TUSC3: variants seen among roughly 807,000 people sequenced by gnomAD.
TUSC3 encodes the protein tumor suppressor candidate 3, also known as dolichyl-diphosphooligosaccharide--protein glycosyltransferase subunit TUSC3.
TUSC3 carries 45 observed loss-of-function variants against 44.8 expected under a neutral mutation model. The ratio of observed to expected loss-of-function variants is 1.00; its 90% CI spans 0.79 to 1.29. The LOEUF is 1.29. Among genes scored for constraint, TUSC3 ranks in the 50% most tolerant of loss-of-function variants. The pLI, the probability that TUSC3 is intolerant of heterozygous loss-of-function variation, is 0.00. For synonymous variants in TUSC3, 212 were observed against 152.9 expected, an observed-to-expected ratio of 1.39 and a Z score of -2.85; for missense variants, 519 against 437.9, an observed-to-expected ratio of 1.19 and a Z score of -1.65.
intron 5 of TUSC3, among the ~76,000 whole-genome samples, chr8:15,672,395 A>G (rs1006657918): frequency 6.6e-6 from 1 of 151,678 alleles, no homozygotes; most frequent in African/African-American, 2.4e-5. Flanking sequence ...TAAATGCTCT[A>G]CATGGATTAA....
chr8:15,517,217 G>A (rs929893290), intron 2 of TUSC3, among the ~76,000 whole-genome samples: 8 of 152,094 alleles, frequency 5.3e-5, no homozygotes, highest in African/African-American at 1.9e-4. Context: ...TTTAAAAAAT[G>A]TTATAGATGG....
At chr8:15,457,169 A>G (rs60339547) in intron 1 of TUSC3, among the ~76,000 whole-genome samples, 2,067 of 49,844 alleles carry the variant, frequency 0.041, 65 homozygotes, top group African/African-American at 0.17. Context: ...GCCTGTTGTG[A>G]GGTGGGGGGA....
intron 2 of TUSC3, among the ~76,000 whole-genome samples, chr8:15,649,895 C>T (rs1390582279): frequency 6.6e-6 from 1 of 152,126 alleles, no homozygotes; most frequent in African/African-American, 2.4e-5. Flanking sequence ...GTCAACCATA[C>T]TGAAGAAGCA....
chr8:15,656,495 T>C (rs935843551), intron 3 of TUSC3, among the ~76,000 whole-genome samples: 2 of 152,196 alleles, frequency 1.3e-5, no homozygotes, highest in African/African-American at 4.8e-5. Context: ...AAAACAGTAT[T>C]ACATCTGAAA....
intron 5 of TUSC3, among the ~76,000 whole-genome samples, chr8:15,664,708 G>A (rs2129180835): frequency 6.7e-6 from 1 of 149,538 alleles, no homozygotes; most frequent in Admixed American, 6.7e-5. Flanking sequence ...ATCTCTTGCA[G>A]TTTTTCTCAT....
At chr8:15,475,701 G>C (rs1228215490) in intron 1 of TUSC3, among the ~76,000 whole-genome samples, 1 of 152,070 alleles carries the variant, frequency 6.6e-6, no homozygotes. Flanking sequence ...AAGATTATTG[G>C]CTTAAGTGTG....
intron 2 of TUSC3, among the ~76,000 whole-genome samples, chr8:15,527,056 T>C (rs1801382331): frequency 6.6e-6 from 1 of 152,210 alleles, no homozygotes; most frequent in African/African-American, 2.4e-5. Flanking sequence ...TTAATCAGAA[T>C]TCTTCGTTTT....
intron 1 of TUSC3, among the ~76,000 whole-genome samples, chr8:15,567,991 C>A (rs1802738510): frequency 6.6e-6 from 1 of 152,214 alleles, no homozygotes; most frequent in Non-Finnish European, 1.5e-5. Context: ...TTCATGTTAA[C>A]AACCCCCTTT....
At chr8:15,634,479 G>T (rs951507367) in intron 2 of TUSC3, among the ~76,000 whole-genome samples, 1 of 152,122 alleles carries the variant, frequency 6.6e-6, no homozygotes. Context: ...TGAGAGAAAG[G>T]GCAATTGATA....
At chr8:15,488,572 C>T (rs1490380555) in intron 2 of TUSC3, among the ~76,000 whole-genome samples, 2 of 152,082 alleles carry the variant, frequency 1.3e-5, no homozygotes, top group Non-Finnish European at 2.9e-5. Flanking sequence ...AATTTATAAG[C>T]CCTAATCACC....
At chr8:15,826,890 G>C in the TUSC3 span, among the ~76,000 whole-genome samples, 80 of 152,270 alleles carry the variant, frequency 5.3e-4, 1 homozygote, top group African/African-American at 1.8e-3. Flanking sequence ...CCTGATTGGA[G>C]CTGGGTTGGG....
At chr8:15,778,180 CT>C in the TUSC3 span, among the ~76,000 whole-genome samples, 1 of 151,986 alleles carries the variant, frequency 6.6e-6, no homozygotes, top group Non-Finnish European at 1.5e-5. Context: ...GGAATTACTT[CT>C]TAAGTACCAA....
the TUSC3 span, among the ~76,000 whole-genome samples, chr8:15,850,655 TAATTA>T: frequency 6.6e-6 from 1 of 152,152 alleles, no homozygotes; most frequent in Admixed American, 6.6e-5. Context: ...CACTCAACAT[TAATTA>T]AAAGAATAAA....
chr8:15,819,945 G>C, the TUSC3 span, among the ~76,000 whole-genome samples: 1 of 152,050 alleles, frequency 6.6e-6, no homozygotes, highest in African/African-American at 2.4e-5. Context: ...CTAATCTCAG[G>C]CATATCCCCA....
At chr8:15,525,953 T>C (rs1175330855) in intron 2 of TUSC3, among the ~76,000 whole-genome samples, 1 of 152,012 alleles carries the variant, frequency 6.6e-6, no homozygotes, top group Non-Finnish European at 1.5e-5. Flanking sequence ...TTAAATTTAA[T>C]TATTTTGGCT....
intron 2 of TUSC3, among the ~76,000 whole-genome samples, chr8:15,494,666 C>G (rs1041749794): frequency 2.0e-5 from 3 of 152,148 alleles, no homozygotes; most frequent in Non-Finnish European, 4.4e-5. Flanking sequence ...TTTGCACGTC[C>G]TATTTAAACA....
chr8:15,663,623 G>T (rs115862689), intron 5 of TUSC3, among the ~76,000 whole-genome samples: 1,579 of 151,924 alleles, frequency 0.01, 28 homozygotes, highest in African/African-American at 0.037. Flanking sequence ...TAGATGTTTG[G>T]CCTTTTAAGA....
At chr8:15,676,696 C>T (rs1808204615) in intron 6 of TUSC3, among the ~76,000 whole-genome samples, 1 of 152,120 alleles carries the variant, frequency 6.6e-6, no homozygotes, top group African/African-American at 2.4e-5. Context: ...AGGAATGCTG[C>T]TAAACACCTA....
At chr8:15,696,161 A>G (rs1397234533) in intron 6 of TUSC3, among the ~76,000 whole-genome samples, 2 of 152,172 alleles carry the variant, frequency 1.3e-5, no homozygotes, top group Non-Finnish European at 2.9e-5. Flanking sequence ...CCAGAGGCCT[A>G]GGAGGCAAAA....
Sources: gnomAD v4.1 joint callset for allele counts (sites outside exome capture counted in the v4.1 genomes callset) on GRCh38, gnomAD v4.1.1 for gene constraint, MANE v1.5 for transcripts, NCBI Gene and HGNC (gene_info 2026-07-23, HGNC 2026-07-21) for gene names.